The following FOXP1 variants were observed in gnomAD, a reference collection of about 807,000 sequenced individuals.
FOXP1 encodes forkhead box protein P1.
FOXP1 carries 15 observed loss-of-function variants against 98.2 expected under a neutral mutation model. The observed-to-expected ratio is 0.15, with a 90% CI of 0.10 to 0.24. FOXP1 has a LOEUF of 0.24. Ranked by LOEUF, FOXP1 falls within the 10% of genes least tolerant of loss-of-function variation. FOXP1 has a pLI of 1.00. For missense variants in FOXP1, 633 were observed against 848.5 expected (o/e 0.75, Z 3.15); for synonymous variants, 371 against 314.5 (o/e 1.18, Z -1.90).
chr3:71,400,383 G>A (rs750658828), intron 3 of FOXP1, among the ~76,000 whole-genome samples: 2 of 151,626 alleles, frequency 1.3e-5, no homozygotes, highest in Non-Finnish European at 2.9e-5. Context: ...TTGAGACAGA[G>A]TCTCGTTCTG....
intron 5 of FOXP1, among the ~76,000 whole-genome samples, chr3:71,237,976 C>G (rs763371304): frequency 2.6e-5 from 4 of 152,204 alleles, no homozygotes; most frequent in Non-Finnish European, 4.4e-5. Flanking sequence ...TACTAAAAGA[C>G]TGAGAAATTA....
intron 11 of FOXP1, among the ~76,000 whole-genome samples, chr3:71,029,984 A>C (rs1029094590): frequency 6.6e-6 from 1 of 152,224 alleles, no homozygotes; most frequent in Non-Finnish European, 1.5e-5. Context: ...ACTAAAACAT[A>C]TATTAACTCA....
At position 71,197,020 on chromosome 3, in the gene FOXP1, TAATC is replaced by T. The variant is rs2063341530; in HGVS notation, c.180+1178_180+1181del. ...ACCACCTTGTAAGGAGCTAACAGTC[TAATC>T]ATTCCTTATTCCTTAAAAAACTCTT... On this transcript the variant is annotated intron_variant, in intron 6 of 20. Coordinates refer to ENST00000649528, the MANE Select transcript of FOXP1 (RefSeq NM_001349338.3). Among the ~76,000 whole-genome samples the T allele has an allele frequency of 3.3e-5, 5 of 152,324 alleles. No homozygotes were observed. In the South Asian group the frequency reaches 1.0e-3, roughly 32 times the overall value.
At chr3:71,330,833 T>C (rs2076247330) in intron 4 of FOXP1, among the ~76,000 whole-genome samples, 1 of 152,232 alleles carries the variant, frequency 6.6e-6, no homozygotes, top group East Asian at 1.9e-4. Flanking sequence ...TTTTTGAATC[T>C]TGCTGAGTCC....
intron 19 of FOXP1, chr3:70,970,383 G>C (rs1050650991): frequency 3.2e-6 from 1 of 309,122 alleles, no homozygotes; most frequent in South Asian, 3.3e-5. Context: ...GTCATGTGAC[G>C]CAGTGGCCTA....
At position 71,408,918 on chromosome 3, in the gene FOXP1, T is replaced by C. The variant is rs1426981161; in HGVS notation, c.-167-49674A>G. ...CATTTGGGCTACATCCTATGTTTAC[T>C]GAATCTTTGGAACCAGAAATGCCAC... On this transcript the variant is annotated intron_variant, in intron 3 of 20. Transcript: ENST00000649528. Among the ~76,000 whole-genome samples, 4 of 152,378 alleles carry C rather than the reference T, an allele frequency of 2.6e-5. No individual in the cohort carries two copies. In the East Asian group the frequency reaches 7.7e-4, roughly 29 times the overall value.
At chr3:71,574,142 T>G (rs2047551270) in intron 2 of FOXP1, 2 of 152,164 alleles carry the variant, frequency 1.3e-5, no homozygotes, top group Admixed American at 1.3e-4. Flanking sequence ...GAACAGAAAT[T>G]TTAAAAGTTT....
chr3:71,199,198 G>A (rs1290094702), intron 5 of FOXP1, among the ~76,000 whole-genome samples: 22 of 149,846 alleles, frequency 1.5e-4, no homozygotes, highest in East Asian at 1.0e-3. Context: ...TCCGCCTCCC[G>A]GGCTCAAGCA....
intron 11 of FOXP1, among the ~76,000 whole-genome samples, chr3:71,017,048 A>G (rs2044604123): frequency 6.6e-6 from 1 of 152,158 alleles, no homozygotes; most frequent in African/African-American, 2.4e-5. Flanking sequence ...GTAGAAAAAC[A>G]ACTTGTAAAA....
intron 4 of FOXP1, among the ~76,000 whole-genome samples, chr3:71,315,357 G>A (rs1319330888): frequency 1.3e-5 from 2 of 151,898 alleles, no homozygotes; most frequent in Non-Finnish European, 2.9e-5. Flanking sequence ...AATGGGAAGC[G>A]GTAGGTTCAT....
intron 5 of FOXP1, among the ~76,000 whole-genome samples, chr3:71,267,983 AC>A (rs1363066372): frequency 1.4e-5 from 2 of 140,806 alleles, no homozygotes; most frequent in Non-Finnish European, 3.0e-5. Flanking sequence ...ACAGCACTGT[AC>A]CCTAGCCTGG....
intron 2 of FOXP1, chr3:71,581,232 A>G (rs2048137243): frequency 1.0e-6 from 1 of 985,286 alleles, no homozygotes. Flanking sequence ...GAAATAATTA[A>G]TAGTTATAAG....
At chr3:71,314,617 T>C (rs528876047) in intron 4 of FOXP1, among the ~76,000 whole-genome samples, 1 of 151,816 alleles carries the variant, frequency 6.6e-6, no homozygotes, top group Non-Finnish European at 1.5e-5. Context: ...TTTAAACTTC[T>C]TAAGAACATA....
chr3:71,506,856 C>G (rs927002593), intron 2 of FOXP1, among the ~76,000 whole-genome samples: 2 of 152,218 alleles, frequency 1.3e-5, no homozygotes, highest in Non-Finnish European at 2.9e-5. Flanking sequence ...ATTCTGCACA[C>G]TTTACAGTTT....
At chr3:71,414,636 G>A (rs992056606) in intron 3 of FOXP1, among the ~76,000 whole-genome samples, 8 of 152,208 alleles carry the variant, frequency 5.3e-5, no homozygotes, top group African/African-American at 1.9e-4. Flanking sequence ...TCTTCTAGAC[G>A]TGCCCCAGCC....
Position 71,310,719 on chromosome 3 carries a change from G to A in FOXP1, c.-72-10839C>T, listed in dbSNP as rs75071431. Among the ~76,000 whole-genome samples, 1,127 of 152,306 alleles carry A rather than the reference G, an allele frequency of 7.4e-3. 30 individuals carry two copies. The highest frequency in any genetic ancestry group is 4.8e-3 in the Non-Finnish European group (325 of 68,026). On this transcript the variant is annotated intron_variant, in intron 4 of 20. Coordinates refer to ENST00000649528, the MANE Select transcript of FOXP1 (RefSeq NM_001349338.3). ...AGAGTCCCCTGGTTTGGACAGCAGC[G>A]ATCGTCTGTAGGACACACACAGTGA...
chr3:71,130,075 G>T (rs1450832946), intron 6 of FOXP1, among the ~76,000 whole-genome samples: 3 of 152,088 alleles, frequency 2.0e-5, no homozygotes, highest in Non-Finnish European at 4.4e-5. Flanking sequence ...AAACATCAGG[G>T]GACAATTCTG....
intron 3 of FOXP1, among the ~76,000 whole-genome samples, chr3:71,381,153 CTTTT>C (rs375670056): frequency 7.2e-6 from 1 of 139,620 alleles, no homozygotes. Flanking sequence ...GAGGTTCTCT[CTTTT>C]TTTTTTTTTT....
At chr3:71,213,533 A>G (rs1453639136) in intron 5 of FOXP1, among the ~76,000 whole-genome samples, 2 of 152,072 alleles carry the variant, frequency 1.3e-5, no homozygotes, top group African/African-American at 4.8e-5. Context: ...CAGCATACAC[A>G]TGGCCGGGCA....
Sources: gnomAD v4.1 joint callset for allele counts (sites outside exome capture counted in the v4.1 genomes callset) on GRCh38, gnomAD v4.1.1 for gene constraint, MANE v1.5 for transcripts, NCBI Gene and HGNC (gene_info 2026-07-23, HGNC 2026-07-21) for gene names.